The following GGT1 variants were observed in gnomAD, a reference collection of about 807,000 sequenced individuals.
GGT1 encodes the protein gamma-glutamyltransferase 1, also known as glutathione hydrolase 1 proenzyme.
In GGT1, 21 loss-of-function variants were observed where a neutral mutation model predicts 56.0. That is an observed-to-expected ratio of 0.38 (90% CI 0.27 to 0.54). GGT1 has a LOEUF of 0.54. Ranked by LOEUF, GGT1 falls within the 20% of genes least tolerant of loss-of-function variation. The pLI, the probability that GGT1 is intolerant of heterozygous loss-of-function variation, is 0.82. For synonymous variants in GGT1, 238 were observed against 342.6 expected (o/e 0.69, Z 3.37); for missense variants, 466 against 787.0 (o/e 0.59, Z 4.88).
intron 11 of GGT1, among the ~76,000 whole-genome samples, chr22:24,626,526 A>G (rs773400714): frequency 6.6e-6 from 1 of 151,310 alleles, no homozygotes; most frequent in Non-Finnish European, 1.5e-5. Context: ...ACGTGCACCC[A>G]TGCTCTTCAG....
At chr22:24,614,347 T>G (rs1205285633) in intron 5 of GGT1, among the ~76,000 whole-genome samples, 1 of 22,090 alleles carries the variant, frequency 4.5e-5, no homozygotes, top group African/African-American at 2.2e-4. Context: ...AGACTTTGTC[T>G]CAAAAAAAAA....
Position 24,620,490 on chromosome 22 carries a change from G to A in GGT1, c.545G>A (p.Arg182Gln), listed in dbSNP as rs767265273. The A allele has an allele frequency of 1.5e-5, 24 of 1,611,788 alleles. No individual in the cohort carries two copies. The highest frequency in any genetic ancestry group is 2.2e-5 in the East Asian group (1 of 44,876). Residue 182 changes from arginine (R) to glutamine (Q), a missense_variant, in exon 8 of 16, where the codon CGG becomes CAG. Physicochemically the swap from Arg to Gln is conservative, Grantham distance 43. Around this residue, in one of 2 missense-constraint regions of GGT1, gnomAD observed 456 missense variants for 716.7 expected, o/e 0.64. Transcript: ENST00000400382. This position sits in a 1 kb window ranked among gnomAD's most constrained non-coding sequence, Gnocchi z 5.6. ...KGLAAALENK[R>Q]TVIEQQPVLC... ...TTGGCGGCAGCCCTGGAAAACAAGC[G>A]GACCGTCATCGAGCAGCAGCCTGTC...
chr22:24,614,259 G>C (rs2046892833), intron 5 of GGT1, among the ~76,000 whole-genome samples: 1 of 150,286 alleles, frequency 6.7e-6, no homozygotes, highest in Admixed American at 6.7e-5. Flanking sequence ...TGAGATGGGA[G>C]GGTCAATTGA....
chr22:24,592,750 C>G, upstream of GGT1: 1 of 1,279,032 alleles, frequency 7.8e-7, no homozygotes, highest in Non-Finnish European at 9.9e-7. Flanking sequence ...CCAGCTCCGC[C>G]TCGCCTCCCG....
the GGT1 span, chr22:24,583,774 T>C: frequency 2.1e-6 from 1 of 471,106 alleles, no homozygotes; most frequent in South Asian, 1.5e-5. Context: ...AGAGATTGCC[T>C]GGAACACCAG....
upstream of GGT1, chr22:24,592,265 A>T (rs1268534054): frequency 4.3e-6 from 2 of 464,852 alleles, no homozygotes; most frequent in African/African-American, 4.0e-5. Context: ...GTTGTGATGC[A>T]CAGATGCTGG....
At chr22:24,587,428 T>C in the GGT1 span, among the ~76,000 whole-genome samples, 7 of 152,178 alleles carry the variant, frequency 4.6e-5, no homozygotes, top group African/African-American at 1.7e-4. Context: ...CTGACAGCAG[T>C]GAGCACACCC....
intron 10 of GGT1, 93 bp downstream of exon 10, chr22:24,623,349 A>G: frequency 2.2e-6 from 3 of 1,351,972 alleles, no homozygotes; most frequent in Non-Finnish European, 3.1e-6. Context: ...CTCGCCCCCC[A>G]TGCCACGTCT....
chr22:24,616,550 T>G (rs2147396988), intron 7 of GGT1, among the ~76,000 whole-genome samples: 1 of 149,870 alleles, frequency 6.7e-6, no homozygotes, highest in African/African-American at 2.5e-5. Flanking sequence ...TTTCTTTTTT[T>G]TTTCTTTTTT....
At chr22:24,612,166 C>T (rs941865082) in intron 5 of GGT1, among the ~76,000 whole-genome samples, 1 of 151,352 alleles carries the variant, frequency 6.6e-6, no homozygotes, top group Non-Finnish European at 1.5e-5. Flanking sequence ...TCTTGAACTC[C>T]TGACCTCAGG....
upstream of GGT1, chr22:24,592,877 G>T: frequency 1.6e-6 from 2 of 1,283,012 alleles, no homozygotes; most frequent in South Asian, 2.3e-5. Context: ...CGCAGGAGGC[G>T]CAGCAGCTGC....
intron 5 of GGT1, among the ~76,000 whole-genome samples, chr22:24,612,559 C>G (rs997711644): frequency 2.7e-5 from 4 of 149,202 alleles, no homozygotes; most frequent in African/African-American, 9.9e-5. Flanking sequence ...CGGAGTCTCA[C>G]GCTGTCTCCC....
intron 5 of GGT1, among the ~76,000 whole-genome samples, chr22:24,612,851 A>G (rs1007620066): frequency 6.6e-6 from 1 of 151,776 alleles, no homozygotes; most frequent in African/African-American, 2.4e-5. Context: ...TTTAAGGTGG[A>G]GTCTTACTCT....
At chr22:24,592,434 G>A (rs931247356), upstream of GGT1, 3 of 470,308 alleles carry the variant, frequency 6.4e-6, no homozygotes, top group Non-Finnish European at 1.3e-5. Flanking sequence ...CTGGAGGAGG[G>A]GGAAGTTACC....
intron 1 of GGT1, among the ~76,000 whole-genome samples, chr22:24,596,742 C>CAAAAA (rs57547019): frequency 2.8e-5 from 3 of 108,336 alleles, no homozygotes; most frequent in East Asian, 2.8e-4. Flanking sequence ...TACTAAAATA[C>CAAAAA]AAAAAAAAAA....
chr22:24,585,654 G>A, the GGT1 span: 1 of 571,294 alleles, frequency 1.8e-6, no homozygotes, highest in South Asian at 2.3e-5. Context: ...ACTCTTTATT[G>A]CGGGGTCCAC....
At chr22:24,598,463 A>AT (rs1296547547), upstream of GGT1, among the ~76,000 whole-genome samples, 48 of 152,076 alleles carry the variant, frequency 3.2e-4, no homozygotes, top group African/African-American at 1.1e-3. Flanking sequence ...AAAAAAAAAA[A>AT]AAAGATAAAG....
chr22:24,605,965 A>AT, intron 1 of GGT1, among the ~76,000 whole-genome samples: 1 of 82,448 alleles, frequency 1.2e-5, no homozygotes, highest in African/African-American at 5.2e-5. Flanking sequence ...ATAATATATT[A>AT]CATATAATAT....
chr22:24,622,106 C>A (rs202131187), intron 9 of GGT1, among the ~76,000 whole-genome samples: 4 of 150,606 alleles, frequency 2.7e-5, no homozygotes, highest in African/African-American at 7.3e-5. Flanking sequence ...GCCTGTAATC[C>A]CAACACTTTG....
Sources: gnomAD v4.1 joint callset for allele counts (sites outside exome capture counted in the v4.1 genomes callset) on GRCh38, gnomAD v4.1.1 for gene constraint, gnomAD v4.1.1 regional missense constraint, Gnocchi (gnomAD v3.1) non-coding constraint, MANE v1.5 for transcripts, NCBI Gene and HGNC (gene_info 2026-07-23, HGNC 2026-07-21) for gene names.